Variants in NSMAF observed in about 807,000 individuals in gnomAD.
The protein encoded by NSMAF is protein FAN.
Under a neutral mutation model 134.9 loss-of-function variants are expected in NSMAF, and 90 were observed. That is an observed-to-expected ratio of 0.67 (90% confidence interval 0.56 to 0.79). NSMAF has a LOEUF of 0.79. NSMAF is among the 30% of genes least tolerant of loss of function. The pLI is 0.00. For synonymous variants in NSMAF, 358 were observed against 389.6 expected, an observed-to-expected ratio of 0.92 and a Z score of 0.96; for missense variants, 1,010 against 1,119.0, an observed-to-expected ratio of 0.90 and a Z score of 1.39.
rs118060071 is a variant in NSMAF at position 58,645,315 on chromosome 8, A to G, written c.60-2242T>C. On this transcript the variant is annotated intron_variant, in intron 1 of 30. Coordinates refer to ENST00000038176, the MANE Select transcript of NSMAF (RefSeq NM_003580.4). ...GCACACTAGGTATCAGGCACAGTGG[A>G]GAGCAGGATTGTAGTGTGAAGAGAG... Among the ~76,000 whole-genome samples the G allele has an allele frequency of 8.6e-3, 1,305 of 152,272 alleles. 14 individuals are homozygous for G. Among genetic ancestry groups the G allele is most frequent in the Non-Finnish European group, 0.015 (1,009 of 68,020 alleles).
chr8:58,589,916 G>T (rs955485809), intron 25 of NSMAF, 91 bp downstream of exon 25: 4 of 1,038,376 alleles, frequency 3.9e-6, no homozygotes, highest in Non-Finnish European at 5.9e-6. Flanking sequence ...CTGTGTCCTG[G>T]CAGGGAAAGC....
chr8:58,601,572 G>A, intron 14 of NSMAF, 37 bp from the exon 15 acceptor site: 1 of 1,552,880 alleles, frequency 6.4e-7, no homozygotes, highest in South Asian at 1.2e-5. Flanking sequence ...AGAGCTAAGT[G>A]TTGGCTATGA....
chr8:58,607,700 C>T (rs1450471796), intron 11 of NSMAF, 69 bp downstream of exon 11: 6 of 1,184,648 alleles, frequency 5.1e-6, no homozygotes, highest in Middle Eastern at 1.9e-4. Flanking sequence ...AAGTGTTTAC[C>T]GTCAATAAAC....
Position 58,659,690 on chromosome 8 carries a change from G to C in NSMAF, c.-59C>G. On this transcript the variant is annotated 5_prime_UTR_variant, in exon 1 of 31. Coordinates refer to ENST00000038176, the MANE Select transcript of NSMAF (RefSeq NM_003580.4). ...GGCAGGCCCCGCCGCCGCCTGCCGA[G>C]GAGGTCCGGAGGAGCCGGGGAGGGC... The C allele has an allele frequency of 1.6e-6, 2 of 1,289,912 alleles. No individual in the cohort carries two copies. Among genetic ancestry groups the C allele is most frequent in the Non-Finnish European group, 2.0e-6 (2 of 1,001,302 alleles). 79.9% of individuals were successfully genotyped at this position (1,289,912 alleles called of 1,614,324 possible).
Position 58,623,215 on chromosome 8 carries a change from CTT to C in NSMAF, c.557+3_557+4del. 6.3e-7 allele frequency: 1 copy of C among 1,598,824 alleles called. No homozygotes were observed. Among genetic ancestry groups the C allele is most frequent in the Non-Finnish European group, 8.6e-7 (1 of 1,168,042 alleles). ...TCTAATTAGGAAAGATCATTAGAAACTTACCTGTTTTTGTCAAATGATGTTCT... is the reference window on the plus strand; with the variant it reads ...TCTAATTAGGAAAGATCATTAGAAACACCTGTTTTTGTCAAATGATGTTCT... On this transcript the variant is annotated splice_donor_region_variant and intron_variant, in intron 9 of 30. Coordinates refer to ENST00000038176, the MANE Select transcript of NSMAF (RefSeq NM_003580.4).
At chr8:58,645,909 C>T (rs902973475) in intron 1 of NSMAF, among the ~76,000 whole-genome samples, 6 of 152,010 alleles carry the variant, frequency 3.9e-5, no homozygotes, top group Non-Finnish European at 5.9e-5. Context: ...GGCGTGGTGG[C>T]GGGCGCCTAT....
At chr8:58,587,781 T>C in intron 26 of NSMAF, 80 bp from the exon 27 acceptor site, 1 of 1,179,698 alleles carries the variant, frequency 8.5e-7, no homozygotes, top group Non-Finnish European at 1.2e-6. Context: ...GAAAAACTCC[T>C]ATGCTCAATT....
intron 2 of NSMAF, chr8:58,637,330 G>C (rs1563541290): frequency 2.2e-6 from 1 of 456,124 alleles, no homozygotes; most frequent in Non-Finnish European, 4.4e-6. Context: ...TCCTTTCAGT[G>C]GGAAGTGGTA....
intron 9 of NSMAF, among the ~76,000 whole-genome samples, chr8:58,614,163 T>C (rs1404549058): frequency 1.3e-5 from 2 of 152,018 alleles, no homozygotes; most frequent in Non-Finnish European, 2.9e-5. Flanking sequence ...AAAAATAAAA[T>C]TAAAAAGAAA....
chr8:58,609,261 C>A (rs1195237499), intron 10 of NSMAF, among the ~76,000 whole-genome samples: 1 of 152,176 alleles, frequency 6.6e-6, no homozygotes, highest in African/African-American at 2.4e-5. Flanking sequence ...TCTTATTAAT[C>A]ATAGTATATT....
intron 1 of NSMAF, among the ~76,000 whole-genome samples, chr8:58,643,342 G>A (rs1232953021): frequency 6.6e-6 from 1 of 152,092 alleles, no homozygotes; most frequent in Non-Finnish European, 1.5e-5. Flanking sequence ...CCTGAATTTT[G>A]TGAAGTTAAA....
In NSMAF at chr8:58,659,335, C is replaced by T. The variant is rs1293294844; in HGVS notation, c.59+238G>A. ...CCTCGGCTCCGCGGTGGAATCTGGC[C>T]TGGCCCGTCATCCAGTTCCTGTCCC... On this transcript the variant is annotated intron_variant, in intron 1 of 30. Transcript: ENST00000038176. The T allele has an allele frequency of 2.0e-6, 3 of 1,527,688 alleles. No homozygotes were observed. In the African/African-American group the frequency reaches 4.3e-5, roughly 22 times the overall value. The allele number at this position is 1,527,688 out of a possible 1,614,324, so 94.6% of individuals were successfully genotyped here. A position where few individuals can be genotyped will look rare whatever the true frequency, so the allele number is the denominator to read the frequency against.
chr8:58,583,514 G>A lies in NSMAF; in HGVS notation c.*592C>T, dbSNP rs963653217. Reference sequence around the variant, plus strand: ...TAAAGTGAAAACAGCTTTCTTTAGAGAAAAATATTTTTAATGTAGAAAAGA... The same window carrying A: ...TAAAGTGAAAACAGCTTTCTTTAGAAAAAAATATTTTTAATGTAGAAAAGA... On this transcript the variant is annotated 3_prime_UTR_variant, in exon 31 of 31. Transcript: ENST00000038176. 2.0e-5 allele frequency: 3 copies of A among 152,178 alleles called. No homozygotes were observed. Among genetic ancestry groups the A allele is most frequent in the African/African-American group, 4.8e-5 (2 of 41,440 alleles). 9.4% of individuals were successfully genotyped at this position (152,178 alleles called of 1,614,324 possible). A position where few individuals can be genotyped will look rare whatever the true frequency, so the allele number is the denominator to read the frequency against.
At chr8:58,657,154 T>G (rs1262011423) in intron 1 of NSMAF, among the ~76,000 whole-genome samples, 1 of 152,192 alleles carries the variant, frequency 6.6e-6, no homozygotes, top group Non-Finnish European at 1.5e-5. Context: ...GCCACCACCT[T>G]GGTTTAAACC....
Position 58,585,681 on chromosome 8 carries a change from T to G in NSMAF, c.2630A>C (p.Lys877Thr). 1 of 1,614,048 alleles carries G rather than the reference T, an allele frequency of 6.2e-7. No individual in the cohort carries two copies. The highest frequency in any genetic ancestry group is 1.7e-5 in the Admixed American group (1 of 60,012). The change falls in exon 30 of 31, where the codon AAA (lysine) becomes ACA (threonine). Residue 877 changes from lysine to threonine, a missense_variant. Transcript: ENST00000038176. ...ELLVWDLLGA[K>T]ISERIQGHTG... ...GTGGCCCTGTATTCTCTCACTGATT[T>G]TTGCTCCAAGGAGGTCCCAAACGAG...
chr8:58,586,181 A>C (rs148980935), intron 28 of NSMAF, among the ~76,000 whole-genome samples, 181 bp from the exon 29 acceptor site: 1,603 of 152,274 alleles, frequency 0.011, 28 homozygotes, highest in African/African-American at 0.036. Context: ...AGATGTAAGG[A>C]TGAGATGACC....
chr8:58,657,936 G>A (rs139025201), intron 1 of NSMAF, among the ~76,000 whole-genome samples: 11 of 152,202 alleles, frequency 7.2e-5, no homozygotes, highest in African/African-American at 2.7e-4. Context: ...GGAAATGCAA[G>A]TACAGGTTTC....
At position 58,635,491 on chromosome 8, in the gene NSMAF, A is replaced by G; in HGVS notation, c.205T>C (p.Ser69Pro). 3 of 1,606,460 alleles carry G rather than the reference A, an allele frequency of 1.9e-6. No individual in the cohort carries two copies. The highest frequency in any genetic ancestry group is 2.5e-6 in the Non-Finnish European group (3 of 1,177,304). Residue 69 changes from serine to proline, a missense_variant, in exon 3 of 31, where the codon TCA becomes CCA. By Grantham distance (74) the Ser-to-Pro change is moderately conservative (BLOSUM62 -1). Coordinates refer to ENST00000038176, the MANE Select transcript of NSMAF (RefSeq NM_003580.4). ...CSKSVIFEPDSISQPIIKIPL... is the reference protein window; with the variant it reads ...CSKSVIFEPDPISQPIIKIPL... ...ACCTTGATGATGGGCTGGGATATTG[A>G]ATCTGGTTCAAAAATCACCGATTTT... is the stretch of plus-strand genomic sequence containing the variant.
chr8:58,611,180 T>A (rs113332653), intron 9 of NSMAF, among the ~76,000 whole-genome samples: 2 of 152,260 alleles, frequency 1.3e-5, no homozygotes, highest in African/African-American at 2.4e-5. Flanking sequence ...AAAGACTCTA[T>A]AGAAGGTGTG....
Sources: gnomAD v4.1 joint callset for allele counts (sites outside exome capture counted in the v4.1 genomes callset) on GRCh38, gnomAD v4.1.1 for gene constraint, MANE v1.5 for transcripts, NCBI Gene and HGNC (gene_info 2026-07-23, HGNC 2026-07-21) for gene names.